Variants in RFX1 observed in about 807,000 individuals in gnomAD.
The protein encoded by RFX1 is MHC class II regulatory factor RFX1.
In RFX1, 42 loss-of-function variants were observed where a neutral mutation model predicts 119.6. That is an observed-to-expected ratio of 0.35 (90% confidence interval 0.27 to 0.45). The LOEUF is 0.45. RFX1 is among the 20% of genes least tolerant of loss of function. The pLI, the probability that RFX1 is intolerant of heterozygous loss-of-function variation, is 1.00. For synonymous variants in RFX1, 628 were observed against 618.5 expected (o/e 1.02, Z -0.23); for missense variants, 1,118 against 1,368.1 (o/e 0.82, Z 2.88).
chr19:13,993,122 C>A (rs1362133805), intron 2 of RFX1, among the ~76,000 whole-genome samples: 3 of 151,932 alleles, frequency 2.0e-5, no homozygotes, highest in Non-Finnish European at 4.4e-5. Context: ...GGGAAGATCC[C>A]ATAGCTACAA....
chr19:14,002,643 T>C (rs1452765993), intron 1 of RFX1, among the ~76,000 whole-genome samples: 1 of 152,094 alleles, frequency 6.6e-6, no homozygotes, highest in Non-Finnish European at 1.5e-5. Flanking sequence ...GCTGAGACCG[T>C]GTGAGAAAGT....
At position 13,972,983 on chromosome 19, in the gene RFX1, C is replaced by G. The variant is rs749976126; in HGVS notation, c.1074G>C (p.Met358Ile). The G allele has an allele frequency of 6.2e-7, 1 of 1,600,286 alleles. No homozygotes were observed. Among genetic ancestry groups the G allele is most frequent in the South Asian group, 1.1e-5 (1 of 91,030 alleles). Reference protein sequence around the residue: ...QAVASSGSMPMYVSGSQVVAS... With the variant: ...QAVASSGSMPIYVSGSQVVAS... ...CGACGACCTGGCTGCCGGACACGTA[C>G]ATGGGCATGGAGCCACTGCTGGCCA... Residue 358 changes from methionine (M) to isoleucine (I), a missense_variant, in exon 9 of 21, where the codon ATG (methionine) becomes ATC (isoleucine). Coordinates refer to ENST00000254325, the MANE Select transcript of RFX1 (RefSeq NM_002918.5).
chr19:13,976,474 GC>G (rs371643184), intron 8 of RFX1, among the ~76,000 whole-genome samples: 190 of 152,376 alleles, frequency 1.2e-3, no homozygotes, highest in African/African-American at 4.4e-3. Flanking sequence ...CCAGGACGTG[GC>G]CCCTGCCTGA....
intron 12 of RFX1, among the ~76,000 whole-genome samples, chr19:13,967,805 C>G (rs980544301): frequency 3.3e-5 from 5 of 152,182 alleles, no homozygotes; most frequent in African/African-American, 1.2e-4. Flanking sequence ...GGGTACACAC[C>G]TGCCTTCTTG....
At chr19:13,978,458 C>T (rs887430817) in intron 7 of RFX1, among the ~76,000 whole-genome samples, 5 of 152,202 alleles carry the variant, frequency 3.3e-5, no homozygotes, top group African/African-American at 9.6e-5. Flanking sequence ...AAACCGGGCA[C>T]AGGATGTGAG....
At chr19:14,005,873 C>G (rs1599530527) in intron 1 of RFX1, among the ~76,000 whole-genome samples, 1 of 151,690 alleles carries the variant, frequency 6.6e-6, no homozygotes, top group East Asian at 1.9e-4. Context: ...GACCTCCACT[C>G]GCCGCGGGCC....
rs754578088 is a variant in RFX1, at chr19:13,965,568, G to A, written c.2114-22C>T. On this transcript the variant is annotated intron_variant, in intron 15 of 20. Transcript: ENST00000254325. The surrounding 1 kb of genome is among the most constrained non-coding windows in gnomAD (Gnocchi z 4.7). ...GCACCTGTGGGCGGTGGCGGGGGTCGGTCAGGGCAGGGCGGGTGTATGTGG... is the reference window on the plus strand; with the variant it reads ...GCACCTGTGGGCGGTGGCGGGGGTCAGTCAGGGCAGGGCGGGTGTATGTGG... The A allele has an allele frequency of 5.0e-6, 8 of 1,612,696 alleles. No homozygotes were observed. Among genetic ancestry groups the A allele is most frequent in the South Asian group, 1.1e-5 (1 of 91,042 alleles).
rs1478871415 is a variant in RFX1, at chr19:13,963,293, G to A, written c.2571-18C>T. 1.2e-6 allele frequency: 2 copies of A among 1,601,834 alleles called. No individual in the cohort carries two copies. The highest frequency in any genetic ancestry group is 1.3e-5 in the African/African-American group (1 of 74,712). On this transcript the variant is annotated intron_variant, in intron 18 of 20. Coordinates refer to ENST00000254325, the MANE Select transcript of RFX1 (RefSeq NM_002918.5). ...CCATGGAGCTGGGGATGGAGACGGA[G>A]AGGAGACCGTCAGGCCCCGTCCGGC... is the stretch of plus-strand genomic sequence containing the variant.
chr19:13,979,386 TCCCCAGCCCCA>T, intron 7 of RFX1, 50 bp downstream of exon 7: 1 of 1,221,666 alleles, frequency 8.2e-7, no homozygotes, highest in Non-Finnish European at 1.1e-6. Context: ...GGGCCTGCAC[TCCCCAGCCCCA>T]GCCCGGGACC....
intron 1 of RFX1, chr19:13,998,274 C>G (rs903763007): frequency 1.3e-5 from 2 of 152,190 alleles, no homozygotes; most frequent in Admixed American, 6.6e-5. Context: ...CAGCTGAGGT[C>G]AGGAGTTCGA....
chr19:13,996,628 A>AG (rs1012445854), intron 1 of RFX1, among the ~76,000 whole-genome samples: 2 of 147,936 alleles, frequency 1.4e-5, no homozygotes, highest in African/African-American at 2.5e-5. Context: ...GCAACTGGTG[A>AG]GGGGGGATTG....
At chr19:14,002,916 C>T (rs1251877424) in intron 1 of RFX1, among the ~76,000 whole-genome samples, 9 of 152,200 alleles carry the variant, frequency 5.9e-5, no homozygotes, top group Admixed American at 5.9e-4. Context: ...CCCACAATGT[C>T]CACATCCCCG....
Position 13,968,745 on chromosome 19 carries a change from C to A in RFX1, c.1616+30G>T, listed in dbSNP as rs202077750. On this transcript the variant is annotated intron_variant, in intron 11 of 20. Transcript: ENST00000254325. This position sits in a 1 kb window ranked among gnomAD's most constrained non-coding sequence, Gnocchi z 5.5. ...GGCCTGTGTGCCCTTCCCCGCCTGC[C>A]CTGCCCTGGGTCCGGCCCTGCCTTC... The A allele has an allele frequency of 1.4e-4, 225 of 1,609,212 alleles. No individual in the cohort carries two copies. The highest frequency in any genetic ancestry group is 1.8e-4 in the Non-Finnish European group (216 of 1,178,214).
At chr19:13,962,953 C>G (rs1973752738) in intron 20 of RFX1, 41 bp downstream of exon 20, 1 of 1,548,318 alleles carries the variant, frequency 6.5e-7, no homozygotes, top group African/African-American at 1.4e-5. Context: ...TGTCCGCCAC[C>G]CCCGGGACCC....
chr19:13,970,467 G>C (rs10415470), intron 9 of RFX1, among the ~76,000 whole-genome samples: 9,900 of 151,414 alleles, frequency 0.065, 1,080 homozygotes, highest in African/African-American at 0.22. Flanking sequence ...TTGAGCCCAG[G>C]CTGGGCAACA....
chr19:13,997,015 C>T (rs906664387), intron 1 of RFX1, among the ~76,000 whole-genome samples: 3 of 152,148 alleles, frequency 2.0e-5, no homozygotes, highest in Non-Finnish European at 2.9e-5. Flanking sequence ...TGAGCCACCG[C>T]GCCCAACCTT....
At chr19:13,982,643 A>C (rs1040736461) in intron 4 of RFX1, among the ~76,000 whole-genome samples, 1 of 152,178 alleles carries the variant, frequency 6.6e-6, no homozygotes, top group South Asian at 2.1e-4. Context: ...GTTTCTACTA[A>C]TAATACAAAA....
intron 9 of RFX1, 45 bp from the exon 10 acceptor site, chr19:13,970,220 C>G (rs375828097): frequency 6.6e-7 from 1 of 1,515,710 alleles, no homozygotes; most frequent in South Asian, 1.3e-5. Context: ...GAGGCGCTTC[C>G]GTCATCTCTG....
intron 2 of RFX1, among the ~76,000 whole-genome samples, chr19:13,989,203 T>C (rs1974715956): frequency 6.6e-6 from 1 of 151,576 alleles, no homozygotes; most frequent in African/African-American, 2.4e-5. Flanking sequence ...GAGGCAGGAC[T>C]GAGCCTGGCG....
Sources: gnomAD v4.1 joint callset for allele counts (sites outside exome capture counted in the v4.1 genomes callset) on GRCh38, gnomAD v4.1.1 for gene constraint, Gnocchi (gnomAD v3.1) non-coding constraint, MANE v1.5 for transcripts, NCBI Gene and HGNC (gene_info 2026-07-23, HGNC 2026-07-21) for gene names.